Variants in FNDC3B observed in about 807,000 individuals in gnomAD.
The protein encoded by FNDC3B is fibronectin type III domain containing 3B.
In FNDC3B, 12 loss-of-function variants were observed where a neutral mutation model predicts 151.5. That is an observed-to-expected ratio of 0.08 (90% CI 0.05 to 0.13). The LOEUF (loss-of-function observed/expected upper bound fraction) is 0.13, where lower values mean the gene tolerates loss of function less well. Ranked by LOEUF, FNDC3B falls within the 10% of genes least tolerant of loss-of-function variation. The pLI is 1.00. For missense variants in FNDC3B, 1,214 were observed against 1,505.3 expected (o/e 0.81, Z 3.20); for synonymous variants, 528 against 549.0 (o/e 0.96, Z 0.54).
At chr3:172,373,679 A>T (rs911158911) in intron 23 of FNDC3B, among the ~76,000 whole-genome samples, 2 of 152,194 alleles carry the variant, frequency 1.3e-5, no homozygotes, top group African/African-American at 4.8e-5. Context: ...CAAATATTTG[A>T]TGAATATTTG....
chr3:172,396,668 C>T (rs1194560899), intron 25 of FNDC3B, among the ~76,000 whole-genome samples: 1 of 152,140 alleles, frequency 6.6e-6, no homozygotes, highest in Non-Finnish European at 1.5e-5. Flanking sequence ...GCATTAGATT[C>T]CCACAGAAGC....
chr3:172,104,371 A>G (rs1719524484), intron 1 of FNDC3B, among the ~76,000 whole-genome samples: 1 of 151,906 alleles, frequency 6.6e-6, no homozygotes, highest in Non-Finnish European at 1.5e-5. Context: ...CATGTTTTCC[A>G]ATACTCAGTG....
At chr3:172,158,066 C>T (rs1722585164) in intron 3 of FNDC3B, among the ~76,000 whole-genome samples, 1 of 152,148 alleles carries the variant, frequency 6.6e-6, no homozygotes, top group South Asian at 2.1e-4. Context: ...AACGGGCTTT[C>T]ACCAGGCATT....
chr3:172,318,590 C>G (rs145391201), intron 11 of FNDC3B, among the ~76,000 whole-genome samples: 1 of 152,298 alleles, frequency 6.6e-6, no homozygotes, highest in East Asian at 1.9e-4. Flanking sequence ...CAGTAATTAA[C>G]TAGGTCCCAC....
At chr3:172,120,047 T>C (rs1264861195) in intron 2 of FNDC3B, among the ~76,000 whole-genome samples, 1 of 152,236 alleles carries the variant, frequency 6.6e-6, no homozygotes, top group Non-Finnish European at 1.5e-5. Flanking sequence ...CTATGCAGAA[T>C]CTCAGTCTTA....
intron 16 of FNDC3B, among the ~76,000 whole-genome samples, chr3:172,339,177 C>T (rs967671351): frequency 2.0e-5 from 3 of 152,058 alleles, no homozygotes; most frequent in Non-Finnish European, 2.9e-5. Context: ...TTTTTTAAGT[C>T]TGTTGGTTCC....
intron 3 of FNDC3B, among the ~76,000 whole-genome samples, chr3:172,171,600 CTTT>C (rs34275289): frequency 2.4e-5 from 3 of 123,512 alleles, no homozygotes; most frequent in Non-Finnish European, 3.4e-5. Context: ...GCTGTATTAA[CTTT>C]TTTTTTTTTT....
At chr3:172,049,558 G>A (rs1716538103) in intron 1 of FNDC3B, among the ~76,000 whole-genome samples, 2 of 151,736 alleles carry the variant, frequency 1.3e-5, no homozygotes, top group South Asian at 2.1e-4. Flanking sequence ...ATAGAATTTC[G>A]CTCTTATTGT....
chr3:172,215,283 G>A (rs1410975745), intron 3 of FNDC3B, among the ~76,000 whole-genome samples: 2 of 152,238 alleles, frequency 1.3e-5, no homozygotes. Flanking sequence ...TCCCCACTGG[G>A]AGAAGAGGGC....
intron 9 of FNDC3B, among the ~76,000 whole-genome samples, chr3:172,306,566 C>T (rs747277341): frequency 6.6e-6 from 1 of 152,012 alleles, no homozygotes; most frequent in Non-Finnish European, 1.5e-5. Context: ...AAATAAATTC[C>T]CAGTATAAAA....
intron 3 of FNDC3B, among the ~76,000 whole-genome samples, chr3:172,215,753 C>G (rs983239979): frequency 2.0e-5 from 3 of 152,214 alleles, no homozygotes; most frequent in Non-Finnish European, 4.4e-5. Context: ...TGAGACCTCC[C>G]TTAGTTGCTC....
chr3:172,149,872 A>T (rs1423862741), intron 3 of FNDC3B, among the ~76,000 whole-genome samples: 1 of 118,252 alleles, frequency 8.5e-6, no homozygotes, highest in Non-Finnish European at 1.6e-5. Context: ...AGGCTGGAGT[A>T]CAGTGGCATG....
intron 1 of FNDC3B, among the ~76,000 whole-genome samples, chr3:172,045,798 A>C (rs1381243154): frequency 2.9e-4 from 44 of 151,556 alleles, no homozygotes; most frequent in African/African-American, 1.0e-3. Context: ...CTCTCTCTAT[A>C]TATATATATA....
chr3:172,344,271 C>G lies in FNDC3B; in HGVS notation c.2250+13C>G, dbSNP rs370788423. On this transcript the variant is annotated intron_variant, in intron 19 of 25. Coordinates refer to ENST00000415807, the MANE Select transcript of FNDC3B (RefSeq NM_022763.4). ...GAATGATGGAGGGGTGAGTATAAGC[C>G]CATACACCATAACCAGAATCAGAAT... 9.4e-6 allele frequency: 15 copies of G among 1,600,018 alleles called. No homozygotes were observed. Among genetic ancestry groups the G allele is most frequent in the Non-Finnish European group, 1.3e-5 (15 of 1,172,114 alleles).
intron 1 of FNDC3B, among the ~76,000 whole-genome samples, chr3:172,102,522 T>A (rs901431949): frequency 6.6e-6 from 1 of 152,228 alleles, no homozygotes; most frequent in Non-Finnish European, 1.5e-5. Flanking sequence ...TTGGATCTTA[T>A]TAAAGGGCTA....
In FNDC3B at chr3:172,067,153, C is replaced by A. The variant is rs1263256041; in HGVS notation, c.-29+27382C>A. ...TTCCATGAGCTATCAAAATCCTCCT[C>A]TAGGCTTTTATTATTTTGCTTCCTA... On this transcript the variant is annotated intron_variant, in intron 1 of 25. Coordinates refer to ENST00000415807, the MANE Select transcript of FNDC3B (RefSeq NM_022763.4). Among the ~76,000 whole-genome samples, 7 of 152,316 alleles carry A rather than the reference C, an allele frequency of 4.6e-5. No individual in the cohort carries two copies. The East Asian group carries it at 1.3e-3, about 29-fold the overall frequency.
At chr3:172,162,435 G>A (rs557077631) in intron 3 of FNDC3B, among the ~76,000 whole-genome samples, 4 of 152,092 alleles carry the variant, frequency 2.6e-5, no homozygotes, top group East Asian at 3.9e-4. Context: ...TATTAATACC[G>A]TGGCTATGAG....
chr3:172,398,614 A>G lies in FNDC3B; in HGVS notation c.*1139A>G, dbSNP rs910700623. The G allele has an allele frequency of 6.6e-6, 1 of 152,120 alleles. No individual in the cohort carries two copies. Among genetic ancestry groups the G allele is most frequent in the African/African-American group, 2.4e-5 (1 of 41,412 alleles). The allele number at this position is 152,120 out of a possible 1,614,324, so 9.4% of individuals were successfully genotyped here. On this transcript the variant is annotated 3_prime_UTR_variant, in exon 26 of 26. Coordinates refer to ENST00000415807, the MANE Select transcript of FNDC3B (RefSeq NM_022763.4). ...TTTGCCTGGCCATGGTTGGAGAGGGAATGGTGTTTGATGGTAAACACAGGG... is the reference window on the plus strand; with the variant it reads ...TTTGCCTGGCCATGGTTGGAGAGGGGATGGTGTTTGATGGTAAACACAGGG...
intron 3 of FNDC3B, among the ~76,000 whole-genome samples, chr3:172,202,763 A>C (rs2108691975): frequency 6.6e-6 from 1 of 152,150 alleles, no homozygotes. Context: ...CTGGTCCATG[A>C]CCCCTGGAAG....
Sources: allele counts gnomAD v4.1 joint callset (sites outside exome capture counted in the v4.1 genomes callset), GRCh38; gene constraint gnomAD v4.1.1; transcripts MANE v1.5; gene names NCBI Gene and HGNC (gene_info 2026-07-23, HGNC 2026-07-21).